Variants in RAB20 observed in about 807,000 individuals in gnomAD.
RAB20 encodes the protein ras-related protein Rab-20.
In RAB20, 2 loss-of-function variants were observed where a neutral mutation model predicts 3.7. That is an observed-to-expected ratio of 0.54 (90% confidence interval 0.22 to 1.69). The LOEUF is 1.69. Ranked by LOEUF, RAB20 falls within the 40% of genes most tolerant of loss-of-function variation. The probability of loss-of-function intolerance (pLI) is 0.19; values close to 1 mark genes in which losing one functional copy is unlikely to be tolerated. For synonymous variants in RAB20, 126 were observed against 130.8 expected, an observed-to-expected ratio of 0.96 and a Z score of 0.25; for missense variants, 276 against 311.9, an observed-to-expected ratio of 0.88 and a Z score of 0.87.
At chr13:110,524,650 C>T (rs1884396739) in intron 1 of RAB20, among the ~76,000 whole-genome samples, 1 of 152,240 alleles carries the variant, frequency 6.6e-6, no homozygotes, top group African/African-American at 2.4e-5. Context: ...TGTCCCTTCA[C>T]CCTCCTCCTT....
chr13:110,549,204 T>C (rs952333072), intron 1 of RAB20, among the ~76,000 whole-genome samples: 1 of 152,242 alleles, frequency 6.6e-6, no homozygotes, highest in Non-Finnish European at 1.5e-5. Context: ...ACAAAATGCT[T>C]TGCTTGGAGC....
At chr13:110,561,209 A>T in intron 1 of RAB20, 139 bp downstream of exon 1, 1 of 1,134,732 alleles carries the variant, frequency 8.8e-7, no homozygotes, top group Non-Finnish European at 1.2e-6. Flanking sequence ...AGGGAGGACG[A>T]GTGGGAAACC....
chr13:110,539,454 G>A (rs1178434705), intron 1 of RAB20, among the ~76,000 whole-genome samples: 5 of 151,902 alleles, frequency 3.3e-5, no homozygotes, highest in Admixed American at 1.3e-4. Flanking sequence ...TCCAGTTAAC[G>A]GAACTGCAAC....
intron 1 of RAB20, 61 bp from the exon 2 acceptor site, chr13:110,524,258 C>T: frequency 6.6e-7 from 1 of 1,513,708 alleles, no homozygotes; most frequent in East Asian, 2.3e-5. Context: ...TAGCCACCAG[C>T]CACACTGCAA....
At chr13:110,538,238 C>CAAAAAA (rs570075617) in intron 1 of RAB20, among the ~76,000 whole-genome samples, 3 of 78,528 alleles carry the variant, frequency 3.8e-5, no homozygotes, top group Admixed American at 1.4e-4. Context: ...GACCTTGTCT[C>CAAAAAA]AAAAAAAAAA....
intron 1 of RAB20, among the ~76,000 whole-genome samples, chr13:110,526,704 T>C (rs1171988335): frequency 6.6e-6 from 1 of 152,184 alleles, no homozygotes; most frequent in Non-Finnish European, 1.5e-5. Context: ...ACTGCAGAAA[T>C]GGCAGTAAGG....
intron 1 of RAB20, among the ~76,000 whole-genome samples, chr13:110,526,270 A>G (rs1458489681): frequency 6.6e-6 from 1 of 152,244 alleles, no homozygotes; most frequent in Non-Finnish European, 1.5e-5. Context: ...CTGCTGGGGC[A>G]CTGGCGCAGA....
At chr13:110,538,597 CAAAAAAAAAAAAAAAA>C (rs67409356) in intron 1 of RAB20, among the ~76,000 whole-genome samples, 18 of 70,730 alleles carry the variant, frequency 2.5e-4, no homozygotes, top group African/African-American at 1.1e-3. Context: ...GATCTTCTCT[CAAAAAAAAAAAAAAAA>C]AAAAAGAAAG....
Position 110,523,744 on chromosome 13 carries a change from C to T in RAB20, c.626G>A (p.Arg209Lys). 1 of 1,614,186 alleles carries T rather than the reference C, an allele frequency of 6.2e-7. No homozygotes were observed. The highest frequency in any genetic ancestry group is 8.5e-7 in the Non-Finnish European group (1 of 1,180,032). ...DLVVPMILQQ[R>K]AERPSHTVDI... ...CACTGTGTGTGACGGCCTCTCAGCT[C>T]TCTGCTGTAAGATCATTGGCACCAC... is the stretch of plus-strand genomic sequence containing the variant. Residue 209 changes from arginine (R) to lysine (K), a missense_variant, in exon 2 of 2, where the codon AGA becomes AAA. By Grantham distance (26) the Arg-to-Lys change is conservative. Transcript: ENST00000267328.
At chr13:110,525,912 C>T (rs760492683) in intron 1 of RAB20, among the ~76,000 whole-genome samples, 25 of 152,244 alleles carry the variant, frequency 1.6e-4, no homozygotes, top group South Asian at 4.1e-4. Flanking sequence ...GCTTCACAGA[C>T]GCTCCTGGTG....
In RAB20 at chr13:110,523,558, A is replaced by G; in HGVS notation, c.*107T>C. 1 of 1,495,640 alleles carries G rather than the reference A, an allele frequency of 6.7e-7. No homozygotes were observed. Among genetic ancestry groups the G allele is most frequent in the East Asian group, 2.3e-5 (1 of 42,946 alleles). 92.6% of individuals were successfully genotyped at this position (1,495,640 alleles called of 1,614,324 possible). On this transcript the variant is annotated 3_prime_UTR_variant, in exon 2 of 2. Coordinates refer to ENST00000267328, the MANE Select transcript of RAB20 (RefSeq NM_017817.3). Reference sequence around the variant, plus strand: ...ACTCCAACATTCTGCTGCGGGTGTCATTCTGGAAAATAATTCCTTGCTGTT... The same window carrying G: ...ACTCCAACATTCTGCTGCGGGTGTCGTTCTGGAAAATAATTCCTTGCTGTT...
chr13:110,541,342 CT>C (rs1251110910), intron 1 of RAB20, among the ~76,000 whole-genome samples: 1 of 152,144 alleles, frequency 6.6e-6, no homozygotes, highest in Non-Finnish European at 1.5e-5. Context: ...TTAGAATGTG[CT>C]TTTGCAACTG....
At chr13:110,530,809 G>A (rs1309680647) in intron 1 of RAB20, among the ~76,000 whole-genome samples, 1 of 152,040 alleles carries the variant, frequency 6.6e-6, no homozygotes, top group African/African-American at 2.4e-5. Context: ...CCTCTACACA[G>A]ACACAGGGCC....
intron 1 of RAB20, among the ~76,000 whole-genome samples, chr13:110,552,498 C>A (rs1222604388): frequency 6.6e-6 from 1 of 151,812 alleles, no homozygotes; most frequent in Non-Finnish European, 1.5e-5. Context: ...TCGAGACCAT[C>A]CTGGCTAATA....
intron 1 of RAB20, among the ~76,000 whole-genome samples, chr13:110,538,226 G>A (rs1301590011): frequency 2.4e-5 from 3 of 126,182 alleles, no homozygotes; most frequent in Non-Finnish European, 3.3e-5. Flanking sequence ...GTGACAGAGC[G>A]TGACCTTGTC....
intron 1 of RAB20, among the ~76,000 whole-genome samples, chr13:110,532,539 G>C (rs930555404): frequency 1.2e-4 from 18 of 152,086 alleles, no homozygotes; most frequent in African/African-American, 4.3e-4. Flanking sequence ...ACCAAGCCCA[G>C]CTAATTTTTG....
intron 1 of RAB20, among the ~76,000 whole-genome samples, chr13:110,550,652 G>A (rs1400723953): frequency 6.6e-6 from 1 of 152,092 alleles, no homozygotes; most frequent in Non-Finnish European, 1.5e-5. Flanking sequence ...GGAAAAACTC[G>A]GGTTTAGAGT....
intron 1 of RAB20, 56 bp downstream of exon 1, chr13:110,561,292 C>A (rs1056370751): frequency 6.7e-7 from 1 of 1,486,998 alleles, no homozygotes; most frequent in South Asian, 1.3e-5. Flanking sequence ...AAGCCCCGCG[C>A]CCCCCGTCCC....
intron 1 of RAB20, among the ~76,000 whole-genome samples, chr13:110,548,004 A>G (rs1026803114): frequency 1.3e-5 from 2 of 152,230 alleles, no homozygotes; most frequent in Non-Finnish European, 2.9e-5. Flanking sequence ...ATAACTGTGA[A>G]GCTACCACCA....
Sources: gnomAD v4.1 joint callset for allele counts (sites outside exome capture counted in the v4.1 genomes callset) on GRCh38, gnomAD v4.1.1 for gene constraint, MANE v1.5 for transcripts, NCBI Gene and HGNC (gene_info 2026-07-23, HGNC 2026-07-21) for gene names.